AFAP1L2: variants seen among roughly 807,000 people sequenced by gnomAD.
The protein encoded by AFAP1L2 is actin filament associated protein 1 like 2, also known as actin filament-associated protein 1-like 2.
In AFAP1L2, 46 loss-of-function variants were observed where a neutral mutation model predicts 99.3. The observed-to-expected ratio is 0.46, with a 90% CI of 0.37 to 0.59. The LOEUF is 0.59. AFAP1L2 is among the 20% of genes least tolerant of loss of function. The probability of loss-of-function intolerance (pLI) is 0.00; values close to 1 mark genes in which losing one functional copy is unlikely to be tolerated. For missense variants in AFAP1L2, 959 were observed against 1,034.9 expected, an observed-to-expected ratio of 0.93 and a Z score of 1.01; for synonymous variants, 397 against 419.1, an observed-to-expected ratio of 0.95 and a Z score of 0.64.
downstream of AFAP1L2, chr10:114,291,173 G>C: frequency 6.5e-7 from 1 of 1,550,070 alleles, no homozygotes. Flanking sequence ...GGGCTGAGAA[G>C]GGGATGCAGA....
chr10:114,393,842 G>A (rs1382069244), intron 1 of AFAP1L2, among the ~76,000 whole-genome samples: 2 of 152,232 alleles, frequency 1.3e-5, no homozygotes, highest in Non-Finnish European at 2.9e-5. Context: ...CCGCTGAGAA[G>A]CAAGGAGGTC....
rs191620710 is a variant in AFAP1L2, at chr10:114,311,621, A to G, written c.793-1178T>C. Among the ~76,000 whole-genome samples, 37 of 152,350 alleles carry G rather than the reference A, an allele frequency of 2.4e-4. No homozygotes were observed. In the East Asian group the frequency reaches 6.9e-3, roughly 29 times the overall value. On this transcript the variant is annotated intron_variant, in intron 7 of 18. Coordinates refer to ENST00000304129, the MANE Select transcript of AFAP1L2 (RefSeq NM_001001936.3). ...CGCTTGTATGTCAAGCACCCAGCAC[A>G]GGGCAGGCACATGGATTACCATCCC...
intron 5 of AFAP1L2, among the ~76,000 whole-genome samples, chr10:114,316,793 G>A (rs1326008103): frequency 6.6e-6 from 1 of 152,112 alleles, no homozygotes; most frequent in East Asian, 1.9e-4. Flanking sequence ...CTGAAAAGCA[G>A]GACATGGAGG....
chr10:114,354,755 C>A (rs1036372824), intron 1 of AFAP1L2, among the ~76,000 whole-genome samples: 1 of 152,182 alleles, frequency 6.6e-6, no homozygotes, highest in Non-Finnish European at 1.5e-5. Context: ...TCAGAAGGAA[C>A]AAAGCTAATA....
intron 10 of AFAP1L2, chr10:114,305,271 G>T: frequency 3.1e-6 from 1 of 318,566 alleles, no homozygotes; most frequent in Non-Finnish European, 5.9e-6. Context: ...ATGTGGGAGG[G>T]CACGCGGATG....
At chr10:114,300,012 A>G (rs1339619465) in intron 15 of AFAP1L2, among the ~76,000 whole-genome samples, 182 bp downstream of exon 15, 1 of 152,130 alleles carries the variant, frequency 6.6e-6, no homozygotes, top group Non-Finnish European at 1.5e-5. Flanking sequence ...CTGATCCACC[A>G]CTGGCTTCCT....
chr10:114,322,546 T>C (rs2045539545), intron 5 of AFAP1L2, among the ~76,000 whole-genome samples: 1 of 152,244 alleles, frequency 6.6e-6, no homozygotes, highest in South Asian at 2.1e-4. Context: ...GTTTAAGTCA[T>C]GCTATCAGAG....
chr10:114,320,024 G>A (rs1216281201), intron 5 of AFAP1L2, among the ~76,000 whole-genome samples: 1 of 152,166 alleles, frequency 6.6e-6, no homozygotes, highest in East Asian at 1.9e-4. Context: ...AACATGGAAG[G>A]AGCCCGGGCA....
chr10:114,326,512 A>G (rs895251628), intron 4 of AFAP1L2, among the ~76,000 whole-genome samples: 1 of 152,232 alleles, frequency 6.6e-6, no homozygotes, highest in Non-Finnish European at 1.5e-5. Flanking sequence ...GATTCAGGGT[A>G]ACTTGAATCT....
intron 1 of AFAP1L2, among the ~76,000 whole-genome samples, chr10:114,402,195 G>A (rs755159025): frequency 6.6e-6 from 1 of 152,276 alleles, no homozygotes; most frequent in Middle Eastern, 3.4e-3. Context: ...TTAAGAAGAT[G>A]GCCCCAGTCT....
At chr10:114,292,226 G>A (rs895074643), downstream of AFAP1L2, among the ~76,000 whole-genome samples, 1 of 150,608 alleles carries the variant, frequency 6.6e-6, no homozygotes, top group Admixed American at 6.6e-5. Context: ...ACAGTGAGCC[G>A]AGATCTCACC....
At chr10:114,326,835 TCAATA>T (rs1266822763) in intron 4 of AFAP1L2, among the ~76,000 whole-genome samples, 1 of 152,038 alleles carries the variant, frequency 6.6e-6, no homozygotes, top group East Asian at 1.9e-4. Flanking sequence ...TATTCAATAT[TCAATA>T]CATATTAGTT....
intron 1 of AFAP1L2, among the ~76,000 whole-genome samples, chr10:114,352,479 T>A (rs374156854): frequency 1.1e-3 from 78 of 71,396 alleles, no homozygotes; most frequent in South Asian, 2.0e-3. Flanking sequence ...GTCTCCAAAT[T>A]AAAAAAAAAA....
chr10:114,317,394 G>A (rs2044306341), intron 5 of AFAP1L2, among the ~76,000 whole-genome samples: 1 of 152,092 alleles, frequency 6.6e-6, no homozygotes, highest in Non-Finnish European at 1.5e-5. Flanking sequence ...GAAAATAGCA[G>A]TATTACCCAG....
intron 8 of AFAP1L2, 143 bp downstream of exon 8, chr10:114,310,211 G>T: frequency 1.2e-6 from 1 of 837,842 alleles, no homozygotes; most frequent in Non-Finnish European, 1.8e-6. Flanking sequence ...ACAGGCGTGA[G>T]CCCACCCTGC....
chr10:114,318,341 T>G (rs2044476597), intron 5 of AFAP1L2, among the ~76,000 whole-genome samples: 1 of 152,218 alleles, frequency 6.6e-6, no homozygotes, highest in Non-Finnish European at 1.5e-5. Context: ...GCCCCACATG[T>G]TTCATGAAGA....
intron 1 of AFAP1L2, among the ~76,000 whole-genome samples, chr10:114,378,247 C>T (rs568212573): frequency 6.6e-6 from 1 of 152,308 alleles, no homozygotes; most frequent in South Asian, 2.1e-4. Context: ...TGTATTGACA[C>T]AAGAAATTGA....
At chr10:114,388,068 T>A (rs1352379714) in intron 1 of AFAP1L2, among the ~76,000 whole-genome samples, 2 of 152,164 alleles carry the variant, frequency 1.3e-5, no homozygotes, top group Non-Finnish European at 2.9e-5. Context: ...AGGAGGATAT[T>A]ATTTTAGGAT....
At chr10:114,393,426 A>G (rs537705998) in intron 1 of AFAP1L2, 33 of 152,336 alleles carry the variant, frequency 2.2e-4, no homozygotes, top group African/African-American at 7.7e-4. Context: ...ACGCTCAACA[A>G]TAAACATGCT....
Sources: gnomAD v4.1 joint callset for allele counts (sites outside exome capture counted in the v4.1 genomes callset) on GRCh38, gnomAD v4.1.1 for gene constraint, MANE v1.5 for transcripts, NCBI Gene and HGNC (gene_info 2026-07-23, HGNC 2026-07-21) for gene names.